Variants in BIRC7 observed in about 807,000 individuals in gnomAD.
BIRC7 encodes the protein baculoviral IAP repeat-containing protein 7.
In BIRC7, 26 loss-of-function variants were observed where a neutral mutation model predicts 33.2. The observed-to-expected ratio is 0.78, with a 90% CI of 0.57 to 1.09. The LOEUF (loss-of-function observed/expected upper bound fraction) is 1.09. Among genes scored for constraint, BIRC7 ranks in the 50% least tolerant of loss-of-function variants. BIRC7 has a pLI of 0.00. For missense variants in BIRC7, 409 were observed against 401.2 expected (o/e 1.02, Z -0.17); for synonymous variants, 176 against 171.0 (o/e 1.03, Z -0.23).
chr20:63,236,363 G>T lies in BIRC7; in HGVS notation c.267G>T (p.Leu89Phe). The T allele has an allele frequency of 6.3e-7, 1 of 1,592,670 alleles. No homozygotes were observed. The highest frequency in any genetic ancestry group is 8.6e-7 in the Non-Finnish European group (1 of 1,167,172). The part of the protein sequence containing the change: ...PAFPGMGSEE[L>F]RLASFYDWPL... ...TCCCCGGCATGGGCTCTGAGGAGTT[G>T]CGTCTGGCCTCCTTCTATGACTGGC... is the stretch of plus-strand genomic sequence containing the variant. Residue 89 changes from leucine to phenylalanine, a missense_variant, in exon 1 of 7, where the codon TTG becomes TTT. Transcript: ENST00000217169.
intron 2 of BIRC7, 147 bp downstream of exon 2, chr20:63,238,149 C>T (rs570060452): frequency 2.0e-5 from 18 of 895,814 alleles, no homozygotes; most frequent in African/African-American, 5.1e-5. Context: ...TGCTTCTGGC[C>T]GGCAGGTACC....
chr20:63,238,641 C>A (rs1378084919), intron 4 of BIRC7, 27 bp downstream of exon 4: 2 of 1,611,422 alleles, frequency 1.2e-6, no homozygotes, highest in South Asian at 2.2e-5. Context: ...CCCCTGCTGA[C>A]TCCTTGTGCG....
At chr20:63,238,210 G>A (rs970852013) in intron 2 of BIRC7, 186 bp from the exon 3 acceptor site, 1 of 866,658 alleles carries the variant, frequency 1.2e-6, no homozygotes, top group Admixed American at 2.7e-5. Flanking sequence ...GGGCAGAAAT[G>A]CCTCTCCCAT....
intron 1 of BIRC7, among the ~76,000 whole-genome samples, chr20:63,237,687 C>T (rs1013462821): frequency 1.3e-5 from 2 of 152,164 alleles, no homozygotes; most frequent in African/African-American, 4.8e-5. Context: ...TCTCGCCCAT[C>T]CTGGCCGGCA....
chr20:63,239,052 C>T (rs1018583820), intron 4 of BIRC7, 110 bp from the exon 5 acceptor site: 5 of 1,107,774 alleles, frequency 4.5e-6, no homozygotes, highest in Non-Finnish European at 6.7e-6. Flanking sequence ...TACTCTGCAG[C>T]CCCTCCACTC....
rs191317028 is a variant in BIRC7, at chr20:63,237,963, G to A, written c.410G>A (p.Gly137Glu). 95 of 1,608,946 alleles carry A rather than the reference G, an allele frequency of 5.9e-5. No homozygotes were observed. In the African/African-American group the frequency reaches 1.1e-3, roughly 18 times the overall value. The change falls in exon 2 of 7, where the codon GGG becomes GAG. Residue 137 changes from glycine (G) to glutamate (E), a missense_variant. Gly to Glu is a moderately conservative substitution (Grantham distance 98). Coordinates refer to ENST00000217169, the MANE Select transcript of BIRC7 (RefSeq NM_139317.3). ...GGGGGCCTGCAGAGCTGGAAGCGCG[G>A]GGACGACCCCTGGACGGAGCATGCC... is the stretch of plus-strand genomic sequence containing the variant. The part of the protein sequence containing the change: ...CYGGLQSWKR[G>E]DDPWTEHAKW...
chr20:63,238,171 T>G, intron 2 of BIRC7, 169 bp downstream of exon 2: 2 of 846,060 alleles, frequency 2.4e-6, no homozygotes, highest in Non-Finnish European at 3.7e-6. Flanking sequence ...ACTTTTCCTG[T>G]GAGGGCCCCT....
In BIRC7 at chr20:63,235,980, G is replaced by C; in HGVS notation, c.-117G>C. 1.5e-6 allele frequency: 2 copies of C among 1,306,080 alleles called. No individual in the cohort carries two copies. Among genetic ancestry groups the C allele is most frequent in the Non-Finnish European group, 2.1e-6 (2 of 971,122 alleles). 80.9% of individuals were successfully genotyped at this position (1,306,080 alleles called of 1,614,324 possible). On this transcript the variant is annotated 5_prime_UTR_variant, in exon 1 of 7. Transcript: ENST00000217169. ...TGGCAGGCCTGTGCCTATCCCTGCT[G>C]TCCCCAGGGTGGGCCCCGGGGGTCA... is the stretch of plus-strand genomic sequence containing the variant.
Position 63,236,087 on chromosome 20 carries a change from T to A in BIRC7, c.-10T>A. On this transcript the variant is annotated 5_prime_UTR_variant, in exon 1 of 7. Transcript: ENST00000217169. Reference sequence around the variant, plus strand: ...CTGCTGCAAACCTGGTCAGAGCCAGTGTTCCCTCCATGGGACCTAAAGACA... The same window carrying A: ...CTGCTGCAAACCTGGTCAGAGCCAGAGTTCCCTCCATGGGACCTAAAGACA... 6.6e-7 allele frequency: 1 copy of A among 1,525,138 alleles called. No individual in the cohort carries two copies. The highest frequency in any genetic ancestry group is 8.9e-7 in the Non-Finnish European group (1 of 1,126,280). The allele number at this position is 1,525,138 out of a possible 1,614,324, so 94.5% of individuals were successfully genotyped here. A position where few individuals can be genotyped will look rare whatever the true frequency, so the allele number is the denominator to read the frequency against.
In BIRC7 at chr20:63,238,880, AC is replaced by A. The variant is rs1419469338; in HGVS notation, c.577+271del. The stretch of plus-strand genomic sequence containing the variant: ...ACAGCCCATTGCCTGTCGCCATACC[AC>A]CCCCAACAGTGCCCAGCACACAGCA... On this transcript the variant is annotated intron_variant, in intron 4 of 6. Transcript: ENST00000217169. The A allele has an allele frequency of 4.2e-5, 26 of 625,230 alleles. No homozygotes were observed. In the South Asian group the frequency reaches 4.9e-4, roughly 12 times the overall value. The allele number at this position is 625,230 out of a possible 1,614,324, so 38.7% of individuals were successfully genotyped here.
In BIRC7 at chr20:63,236,214, C is replaced by T; in HGVS notation, c.118C>T (p.Leu40=). 1 of 1,590,124 alleles carries T rather than the reference C, an allele frequency of 6.3e-7. No homozygotes were observed. Residue 40 remains leucine, a synonymous_variant, in exon 1 of 7, where the codon CTA becomes TTA. Coordinates refer to ENST00000217169, the MANE Select transcript of BIRC7 (RefSeq NM_139317.3). ...ACCCCGCTCTCTGGGCAGCCCTGTCCTAGGCCTGGACACCTGCAGAGCCTG... is the reference window on the plus strand; with the variant it reads ...ACCCCGCTCTCTGGGCAGCCCTGTCTTAGGCCTGGACACCTGCAGAGCCTG... ...CGPRSLGSPV[L]GLDTCRAWDH...
In BIRC7 at chr20:63,240,360, C is replaced by T. The variant is rs1234616517; in HGVS notation, c.*110C>T. Reference sequence around the variant, plus strand: ...TGAGGATGGCAGAGCTGGTGTCCATCCAGCACTGACCAGCCCTGATTCCCC... The same window carrying T: ...TGAGGATGGCAGAGCTGGTGTCCATTCAGCACTGACCAGCCCTGATTCCCC... On this transcript the variant is annotated 3_prime_UTR_variant, in exon 7 of 7. Transcript: ENST00000217169. 6.6e-6 allele frequency: 1 copy of T among 152,620 alleles called. No individual in the cohort carries two copies. The highest frequency in any genetic ancestry group is 2.4e-5 in the African/African-American group (1 of 41,444). The allele number at this position is 152,620 out of a possible 1,614,324, so 9.5% of individuals were successfully genotyped here. A position where few individuals can be genotyped will look rare whatever the true frequency, so the allele number is the denominator to read the frequency against.
Position 63,235,965 on chromosome 20 carries a change from G to C in BIRC7, c.-132G>C, listed in dbSNP as rs1266715300. ...TCCCAGGGTGTCTGGTGGCAGGCCT[G>C]TGCCTATCCCTGCTGTCCCCAGGGT... is the stretch of plus-strand genomic sequence containing the variant. On this transcript the variant is annotated 5_prime_UTR_variant, in exon 1 of 7. Transcript: ENST00000217169. 9.4e-6 allele frequency: 11 copies of C among 1,165,186 alleles called. No homozygotes were observed. The highest frequency in any genetic ancestry group is 1.1e-5 in the Non-Finnish European group (9 of 849,524). The allele number at this position is 1,165,186 out of a possible 1,614,324, so 72.2% of individuals were successfully genotyped here.
At chr20:63,238,366 C>G in intron 2 of BIRC7, 30 bp from the exon 3 acceptor site, 1 of 1,610,680 alleles carries the variant, frequency 6.2e-7, no homozygotes, top group Non-Finnish European at 8.5e-7. Context: ...GGGCCCTGAA[C>G]CCCAACCTAC....
intron 2 of BIRC7, 51 bp from the exon 3 acceptor site, chr20:63,238,345 G>A (rs1284827473): frequency 6.2e-7 from 1 of 1,601,922 alleles, no homozygotes; most frequent in Non-Finnish European, 8.5e-7. Flanking sequence ...AGGGCTTGAA[G>A]CAGACAGTGG....
chr20:63,238,228 C>T lies in BIRC7; in HGVS notation c.450-168C>T, dbSNP rs568125751. ...CAGAAATGCCTCTCCCATGGGACTA[C>T]CCTGAAGCCCCATGGAGGCGTCTCC... On this transcript the variant is annotated intron_variant, in intron 2 of 6. Transcript: ENST00000217169. The T allele has an allele frequency of 5.4e-6, 5 of 919,368 alleles. No homozygotes were observed. In the Admixed American group the frequency reaches 1.1e-4, roughly 20 times the overall value. 57.0% of individuals were successfully genotyped at this position (919,368 alleles called of 1,614,324 possible).
chr20:63,239,522 T>C lies in BIRC7; in HGVS notation c.814T>C (p.Cys272Arg). ...CTTTGTGCCGTGCGGCCACCTGGTC[T>C]GTGCTGAGTGTGCCCCCGGCCTGCA... Reference protein sequence around the residue: ...IVFVPCGHLVCAECAPGLQLC... With the variant: ...IVFVPCGHLVRAECAPGLQLC... Residue 272 changes from cysteine to arginine, a missense_variant, in exon 6 of 7, where the codon TGT becomes CGT. Physicochemically the swap from Cys to Arg is radical, Grantham distance 180. Transcript: ENST00000217169. 2 of 1,605,368 alleles carry C rather than the reference T, an allele frequency of 1.2e-6. No individual in the cohort carries two copies. Among genetic ancestry groups the C allele is most frequent in the Non-Finnish European group, 1.7e-6 (2 of 1,179,812 alleles).
Position 63,239,205 on chromosome 20 carries a change from G to A in BIRC7, c.621G>A (p.Glu207=), listed in dbSNP as rs1431317570. The part of the protein sequence containing the change: ...GYPELPTPRR[E]VQSESAQEPG... Reference sequence around the variant, plus strand: ...CTGAGCTGCCCACACCCAGGAGAGAGGTCCAGTCTGAAAGTGCCCAGGAGC... The same window carrying A: ...CTGAGCTGCCCACACCCAGGAGAGAAGTCCAGTCTGAAAGTGCCCAGGAGC... Residue 207 remains glutamate, a synonymous_variant, in exon 5 of 7, where the codon GAG becomes GAA. Transcript: ENST00000217169. The A allele has an allele frequency of 6.2e-7, 1 of 1,612,788 alleles. No homozygotes were observed. Among genetic ancestry groups the A allele is most frequent in the South Asian group, 1.1e-5 (1 of 91,078 alleles).
rs768709953 is a variant in BIRC7, at chr20:63,236,190, C to A, written c.94C>A (p.Pro32Thr). The A allele has an allele frequency of 4.4e-6, 7 of 1,589,748 alleles. No homozygotes were observed. The highest frequency in any genetic ancestry group is 6.0e-6 in the Non-Finnish European group (7 of 1,167,672). ...GDGPTQERCGPRSLGSPVLGL... is the reference protein window; with the variant it reads ...GDGPTQERCGTRSLGSPVLGL... ...TGGTCCCACGCAGGAGCGCTGTGGA[C>A]CCCGCTCTCTGGGCAGCCCTGTCCT... The change falls in exon 1 of 7, where the codon CCC becomes ACC. Residue 32 changes from proline to threonine, a missense_variant. By Grantham distance (38) the Pro-to-Thr change is conservative. Transcript: ENST00000217169.
Sources: gnomAD v4.1 joint callset for allele counts (sites outside exome capture counted in the v4.1 genomes callset) on GRCh38, gnomAD v4.1.1 for gene constraint, MANE v1.5 for transcripts, NCBI Gene and HGNC (gene_info 2026-07-23, HGNC 2026-07-21) for gene names.